ATP8A2: variants seen among roughly 807,000 people sequenced by gnomAD.
ATP8A2 encodes the protein ATPase phospholipid transporting 8A2, also known as phospholipid-transporting ATPase IB.
ATP8A2 carries 100 observed loss-of-function variants against 165.6 expected under a neutral mutation model. The ratio of observed to expected loss-of-function variants is 0.60; its 90% CI spans 0.51 to 0.71. ATP8A2 has a LOEUF of 0.71. Among genes scored for constraint, ATP8A2 ranks in the 30% least tolerant of loss-of-function variants. The pLI is 0.00. For synonymous variants in ATP8A2, 543 were observed against 548.8 expected (o/e 0.99, Z 0.15); for missense variants, 1,227 against 1,479.5 (o/e 0.83, Z 2.80).
intron 33 of ATP8A2, among the ~76,000 whole-genome samples, chr13:25,957,664 G>A (rs1307056079): frequency 6.6e-6 from 1 of 152,184 alleles, no homozygotes; most frequent in African/African-American, 2.4e-5. Context: ...TACACTGTTG[G>A]TGGGAGTGTA....
intron 24 of ATP8A2, among the ~76,000 whole-genome samples, chr13:25,674,554 G>T (rs2042334394): frequency 6.6e-6 from 1 of 152,086 alleles, no homozygotes; most frequent in Admixed American, 6.6e-5. Flanking sequence ...GCAGGGAAGT[G>T]GTGTATTTAG....
chr13:25,727,603 C>A (rs1193653868), intron 25 of ATP8A2, among the ~76,000 whole-genome samples: 2 of 152,140 alleles, frequency 1.3e-5, no homozygotes, highest in Non-Finnish European at 2.9e-5. Context: ...CAGAAACACA[C>A]CAGGGACCAG....
chr13:25,902,570 TA>T (rs35024483), intron 33 of ATP8A2, among the ~76,000 whole-genome samples: 41,202 of 143,298 alleles, frequency 0.29, 6,435 homozygotes, highest in African/African-American at 0.43. Flanking sequence ...AACATCAATT[TA>T]AAAAAAAAAA....
At chr13:25,692,103 A>G (rs781451519) in intron 24 of ATP8A2, among the ~76,000 whole-genome samples, 13 of 152,192 alleles carry the variant, frequency 8.5e-5, no homozygotes, top group Admixed American at 2.6e-4. Flanking sequence ...CGATGGTGAG[A>G]AAAGACACAG....
At chr13:25,684,101 A>C (rs1031047392) in intron 24 of ATP8A2, among the ~76,000 whole-genome samples, 1 of 152,228 alleles carries the variant, frequency 6.6e-6, no homozygotes. Flanking sequence ...GATATAATAA[A>C]AAGGCTTCCG....
rs577496857 is a variant in ATP8A2, at chr13:25,961,595, C to T, written c.3204C>T (p.Ser1068=). 14 of 1,613,856 alleles carry T rather than the reference C, an allele frequency of 8.7e-6. No individual in the cohort carries two copies. Among genetic ancestry groups the T allele is most frequent in the Admixed American group, 1.7e-5 (1 of 60,008 alleles). The stretch of plus-strand genomic sequence containing the variant: ...TGCAGGCAACTATGGTCCTGAGCTC[C>T]GCACACTTCTGGTTGGGATTATTTC... ...MRGQATMVLS[S]AHFWLGLFLV... is the part of the protein sequence containing the mutation. The change falls in exon 34 of 37, where the codon TCC becomes TCT. Residue 1068 remains serine (S), a synonymous_variant. Transcript: ENST00000381655.
Position 25,844,394 on chromosome 13 carries a change from C to T in ATP8A2, c.2956+4770C>T, listed in dbSNP as rs550910256. 3.3e-5 allele frequency among the ~76,000 whole-genome samples: 5 copies of T among 152,124 alleles called. 1 individual carries two copies. In the South Asian group the frequency reaches 1.0e-3, roughly 32 times the overall value. ...TACAGGCTCATGCCACCATGCCCGG[C>T]TAATTTTTGTATTTTTAGTAGAGAT... On this transcript the variant is annotated intron_variant, in intron 30 of 36. Coordinates refer to ENST00000381655, the MANE Select transcript of ATP8A2 (RefSeq NM_016529.6).
intron 25 of ATP8A2, among the ~76,000 whole-genome samples, chr13:25,721,174 A>G (rs1174819922): frequency 6.6e-6 from 1 of 151,220 alleles, no homozygotes; most frequent in Non-Finnish European, 1.5e-5. Context: ...TGTGTTTCTC[A>G]GGTTGGTCTC....
intron 24 of ATP8A2, among the ~76,000 whole-genome samples, chr13:25,619,484 G>A (rs1261330559): frequency 6.6e-6 from 1 of 152,082 alleles, no homozygotes; most frequent in Admixed American, 6.6e-5. Flanking sequence ...AAAAATTGAA[G>A]ATACTCGAAT....
At chr13:25,872,552 T>A (rs1952707351) in intron 33 of ATP8A2, among the ~76,000 whole-genome samples, 1 of 152,190 alleles carries the variant, frequency 6.6e-6, no homozygotes, top group South Asian at 2.1e-4. Flanking sequence ...TAGACTTCAG[T>A]ATGTCCTTCC....
At chr13:25,702,777 T>A (rs1217956784) in intron 25 of ATP8A2, among the ~76,000 whole-genome samples, 1 of 152,184 alleles carries the variant, frequency 6.6e-6, no homozygotes, top group African/African-American at 2.4e-5. Context: ...GACTCCCTTT[T>A]GTGCTTGATT....
Position 25,589,348 on chromosome 13 carries a change from G to A in ATP8A2, c.2147-287G>A, listed in dbSNP as rs114008211. Among the ~76,000 whole-genome samples the A allele has an allele frequency of 9.8e-3, 1,493 of 152,234 alleles. 29 individuals are homozygous for A. Among genetic ancestry groups the A allele is most frequent in the African/African-American group, 0.034 (1,421 of 41,518 alleles). ...TGAAGTGTTCACTGTTACTTTAGAC[G>A]ATCCAAGGCTTATCTTAATGTTATA... On this transcript the variant is annotated intron_variant, in intron 23 of 36. Coordinates refer to ENST00000381655, the MANE Select transcript of ATP8A2 (RefSeq NM_016529.6).
chr13:25,676,598 C>G (rs185664842), intron 24 of ATP8A2, among the ~76,000 whole-genome samples: 2 of 152,244 alleles, frequency 1.3e-5, no homozygotes, highest in Admixed American at 1.3e-4. Context: ...CACGAGAAAG[C>G]TCTTATTTTA....
chr13:25,651,325 C>T (rs960944709), intron 24 of ATP8A2, among the ~76,000 whole-genome samples: 1 of 152,020 alleles, frequency 6.6e-6, no homozygotes, highest in Admixed American at 6.6e-5. Flanking sequence ...TGCTTGTAGT[C>T]CCAGCTACTC....
intron 24 of ATP8A2, among the ~76,000 whole-genome samples, chr13:25,616,782 G>A (rs1439528946): frequency 2.0e-5 from 3 of 152,090 alleles, no homozygotes; most frequent in Non-Finnish European, 4.4e-5. Flanking sequence ...GAGCACCAGG[G>A]TTCACCCTAA....
intron 30 of ATP8A2, among the ~76,000 whole-genome samples, chr13:25,840,942 C>T (rs905137043): frequency 3.3e-5 from 5 of 152,188 alleles, no homozygotes; most frequent in South Asian, 2.1e-4. Context: ...TCTGAAGACC[C>T]CTTACCACTT....
chr13:25,641,232 A>G (rs1402229503), intron 24 of ATP8A2, among the ~76,000 whole-genome samples: 2 of 152,240 alleles, frequency 1.3e-5, no homozygotes, highest in Non-Finnish European at 2.9e-5. Flanking sequence ...CCTATTCAAC[A>G]TAGTGTTGGA....
At chr13:25,517,082 CA>C (rs1038255726) in intron 2 of ATP8A2, 6 of 116,930 alleles carry the variant, frequency 5.1e-5, no homozygotes, top group African/African-American at 2.1e-4. Context: ...TGCCTGGTCA[CA>C]TTTTTTTTTT....
chr13:25,574,979 T>A, intron 19 of ATP8A2, 122 bp downstream of exon 19: 1 of 508,046 alleles, frequency 2.0e-6, no homozygotes, highest in South Asian at 3.5e-5. Context: ...ATATAATAAA[T>A]GTATCTCCAT....
Sources: gnomAD v4.1 joint callset for allele counts (sites outside exome capture counted in the v4.1 genomes callset) on GRCh38, gnomAD v4.1.1 for gene constraint, MANE v1.5 for transcripts, NCBI Gene and HGNC (gene_info 2026-07-23, HGNC 2026-07-21) for gene names.